SLC5A6: variants seen among roughly 807,000 people sequenced by gnomAD.
SLC5A6 encodes sodium-dependent multivitamin transporter.
In SLC5A6, 31 loss-of-function variants were observed where a neutral mutation model predicts 67.9. The observed-to-expected ratio is 0.46, with a 90% confidence interval of 0.34 to 0.62. The LOEUF (loss-of-function observed/expected upper bound fraction) is 0.62. Ranked by LOEUF, SLC5A6 falls within the 20% of genes least tolerant of loss-of-function variation. The probability of loss-of-function intolerance (pLI) is 0.01; values close to 1 mark genes in which losing one functional copy is unlikely to be tolerated. For synonymous variants in SLC5A6, 343 were observed against 331.0 expected (o/e 1.04, Z -0.39); for missense variants, 673 against 812.8 (o/e 0.83, Z 2.09).
upstream of SLC5A6, chr2:27,212,401 C>CCTGGTGCCCTGGG: frequency 6.4e-7 from 1 of 1,551,606 alleles, no homozygotes; most frequent in Non-Finnish European, 8.7e-7. Context: ...GTCTTACGAC[C>CCTGGTGCCCTGGG]CTGGTGCCCT....
intron 4 of SLC5A6, 117 bp downstream of exon 4, chr2:27,206,760 A>T: frequency 1.1e-6 from 1 of 952,096 alleles, no homozygotes; most frequent in Non-Finnish European, 1.7e-6. Flanking sequence ...GCTAACCTCT[A>T]GCAGGAATTT....
chr2:27,200,156 G>A lies in SLC5A6; in HGVS notation c.*280C>T, dbSNP rs1673508163. The A allele has an allele frequency of 3.1e-6, 1 of 320,516 alleles. No individual in the cohort carries two copies. The highest frequency in any genetic ancestry group is 4.5e-5 in the Admixed American group (1 of 22,172). The allele number at this position is 320,516 out of a possible 1,614,324, so 19.9% of individuals were successfully genotyped here. ...CAGAAGCCATTATCTTTTTCCCAGA[G>A]GATGCACTTCCATCCCTATTTCTGG... On this transcript the variant is annotated 3_prime_UTR_variant, in exon 17 of 17. Coordinates refer to ENST00000310574, the MANE Select transcript of SLC5A6 (RefSeq NM_021095.4).
chr2:27,201,532 T>C (rs980238378), intron 14 of SLC5A6, 79 bp from the exon 15 acceptor site: 21 of 1,352,498 alleles, frequency 1.6e-5, no homozygotes, highest in Non-Finnish European at 2.1e-5. Flanking sequence ...CTTGCCCGCA[T>C]GGTCCCAGGG....
chr2:27,206,165 C>T, intron 5 of SLC5A6, 72 bp from the exon 6 acceptor site: 1 of 1,210,838 alleles, frequency 8.3e-7, no homozygotes. Context: ...GTAGGGCAAT[C>T]ACGTCATGCC....
At chr2:27,203,438 AT>A in intron 10 of SLC5A6, 93 bp from the exon 11 acceptor site, 1 of 1,113,260 alleles carries the variant, frequency 9.0e-7, no homozygotes, top group East Asian at 2.5e-5. Flanking sequence ...AAGCGGGGAG[AT>A]GACAGGTACC....
At position 27,201,794 on chromosome 2, in the gene SLC5A6, G is replaced by A. The variant is rs545376580; in HGVS notation, c.1416C>T (p.Ile472=). 5.6e-5 allele frequency: 90 copies of A among 1,614,154 alleles called. No homozygotes were observed. The highest frequency in any genetic ancestry group is 5.3e-4 in the East Asian group (24 of 44,874). ...AGCCCATGCTGGTCACGATGCTCCC[G>A]ATGCCAATCCAGAAGGCCATGACGA... ...AGLVMAFWIG[I]GSIVTSMGSS... The change falls in exon 14 of 17, where the codon ATC becomes ATT. Residue 472 remains isoleucine (I), a synonymous_variant. Coordinates refer to ENST00000310574, the MANE Select transcript of SLC5A6 (RefSeq NM_021095.4).
At position 27,207,409 on chromosome 2, in the gene SLC5A6, G is replaced by A; in HGVS notation, c.242C>T (p.Ser81Leu). ...VALSLLATFQSAVAILGVPSE... is the reference protein window; with the variant it reads ...VALSLLATFQLAVAILGVPSE... Reference sequence around the variant, plus strand: ...CGGCACACCCAGGATGGCCACGGCTGACTGGAAGGTGGCCAGCAGGGACAG... The same window carrying A: ...CGGCACACCCAGGATGGCCACGGCTAACTGGAAGGTGGCCAGCAGGGACAG... The change falls in exon 3 of 17, where the codon TCA (serine) becomes TTA (leucine). Residue 81 changes from serine (S) to leucine (L), a missense_variant. Physicochemically the swap from Ser to Leu is moderately radical, Grantham distance 145. Transcript: ENST00000310574. This position sits in a 1 kb window ranked among gnomAD's most constrained non-coding sequence, Gnocchi z 5.5. 2 of 1,614,200 alleles carry A rather than the reference G, an allele frequency of 1.2e-6. No individual in the cohort carries two copies. Among genetic ancestry groups the A allele is most frequent in the Non-Finnish European group, 1.7e-6 (2 of 1,180,024 alleles).
chr2:27,200,747 G>A (rs982583627), intron 16 of SLC5A6, among the ~76,000 whole-genome samples, 168 bp from the exon 17 acceptor site: 4 of 152,226 alleles, frequency 2.6e-5, no homozygotes, highest in African/African-American at 7.2e-5. Flanking sequence ...AGCACAGGGT[G>A]GGCTGGGGAG....
At chr2:27,211,953 G>A (rs187899006) in intron 1 of SLC5A6, 67 bp downstream of exon 1, 23,335 of 481,286 alleles carry the variant, frequency 0.048, 913 homozygotes, top group African/African-American at 0.081. Context: ...CCCTGGCCGG[G>A]AGCCCGCGGG....
At position 27,199,624 on chromosome 2, in the gene SLC5A6, A is replaced by G. The variant is rs1300417792; in HGVS notation, c.*812T>C. 1 of 152,422 alleles carries G rather than the reference A, an allele frequency of 6.6e-6. No homozygotes were observed. Among genetic ancestry groups the G allele is most frequent in the Non-Finnish European group, 1.5e-5 (1 of 68,098 alleles). The allele number at this position is 152,422 out of a possible 1,614,324, so 9.4% of individuals were successfully genotyped here. On this transcript the variant is annotated 3_prime_UTR_variant, in exon 17 of 17. Transcript: ENST00000310574. ...TGGTAGTTTTTATTCCCCAGGAACA[A>G]AGATAATGTGGAGAAGAAACTCCAA...
intron 6 of SLC5A6, among the ~76,000 whole-genome samples, chr2:27,205,792 C>T (rs1486129761): frequency 6.6e-6 from 1 of 152,184 alleles, no homozygotes; most frequent in Admixed American, 6.5e-5. Flanking sequence ...AGTGAGGGGA[C>T]TCTCCTGCCA....
chr2:27,200,606 A>G (rs779817522), intron 16 of SLC5A6, 27 bp from the exon 17 acceptor site: 6 of 1,600,986 alleles, frequency 3.7e-6, no homozygotes, highest in Non-Finnish European at 5.1e-6. Context: ...AAAGGGGTGG[A>G]ACTGGTGAAG....
upstream of SLC5A6, chr2:27,212,384 C>T (rs752042458): frequency 1.9e-6 from 3 of 1,550,664 alleles, no homozygotes; most frequent in South Asian, 3.6e-5. Flanking sequence ...GCCTCACGAC[C>T]CGGGTAGTCT....
Position 27,201,052 on chromosome 2 carries a change from C to G in SLC5A6, c.1710G>C (p.Leu570=), listed in dbSNP as rs1673592268. The G allele has an allele frequency of 6.2e-7, 1 of 1,613,952 alleles. No homozygotes were observed. The highest frequency in any genetic ancestry group is 2.2e-5 in the East Asian group (1 of 44,884). ...TCTGACAGGACAACGGAAGGAGGGACAGGAGCTTTGGCAACACTGGGTAAA... is the reference window on the plus strand; with the variant it reads ...TCTGACAGGACAACGGAAGGAGGGAGAGGAGCTTTGGCAACACTGGGTAAA... ...ATIYPVLPKL[L]SLLPLSCQKR... The change falls in exon 16 of 17, where the codon CTG becomes CTC. Residue 570 remains leucine, a synonymous_variant. Transcript: ENST00000310574.
At position 27,204,916 on chromosome 2, in the gene SLC5A6, G is replaced by C. The variant is rs1378579057; in HGVS notation, c.750C>G (p.Pro250=). 6 of 1,613,716 alleles carry C rather than the reference G, an allele frequency of 3.7e-6. No homozygotes were observed. The highest frequency in any genetic ancestry group is 5.1e-6 in the Non-Finnish European group (6 of 1,180,006). ...RISGFELDPD[P]FVRHTFWTLA... is the part of the protein sequence containing the mutation. Reference sequence around the variant, plus strand: ...AGGTCCAGAAGGTGTGCCGCACAAAGGGGTCTGGATCCAGCCTGTAACAGA... The same window carrying C: ...AGGTCCAGAAGGTGTGCCGCACAAACGGGTCTGGATCCAGCCTGTAACAGA... The change falls in exon 8 of 17, where the codon CCC becomes CCG. Residue 250 remains proline (P), a synonymous_variant. Coordinates refer to ENST00000310574, the MANE Select transcript of SLC5A6 (RefSeq NM_021095.4).
At chr2:27,201,938 C>T (rs1405106886) in intron 13 of SLC5A6, 50 bp downstream of exon 13, 4 of 1,606,560 alleles carry the variant, frequency 2.5e-6, no homozygotes, top group Non-Finnish European at 2.6e-6. Flanking sequence ...CCTGCCAACC[C>T]CCAGGTCCAT....
rs1558511041 is a variant in SLC5A6 at position 27,207,089 on chromosome 2, C to T, written c.394-147G>A. 1.9e-6 allele frequency: 2 copies of T among 1,033,330 alleles called. No homozygotes were observed. 64.0% of individuals were successfully genotyped at this position (1,033,330 alleles called of 1,614,324 possible). ...CGGCATAGCACCCTCCTCTCCAATC[C>T]TGCCCCTATACCTAACATCACTGAG... On this transcript the variant is annotated intron_variant, in intron 3 of 16. Transcript: ENST00000310574. This position sits in a 1 kb window ranked among gnomAD's most constrained non-coding sequence, Gnocchi z 5.5.
In SLC5A6 at chr2:27,207,856, T is replaced by C. The variant is rs1674189469; in HGVS notation, c.-140-66A>G. 3.4e-6 allele frequency: 2 copies of C among 589,164 alleles called. No individual in the cohort carries two copies. The highest frequency in any genetic ancestry group is 2.8e-5 in the East Asian group (1 of 35,928). The allele number at this position is 589,164 out of a possible 1,614,324, so 36.5% of individuals were successfully genotyped here. On this transcript the variant is annotated intron_variant, in intron 2 of 16. Transcript: ENST00000310574. This position sits in a 1 kb window ranked among gnomAD's most constrained non-coding sequence, Gnocchi z 5.5. ...GGTAGCCATTCACCCTTGGGCCTTG[T>C]ACATCGCATGCCATCAGAAGTGGAC... is the stretch of plus-strand genomic sequence containing the variant.
chr2:27,210,405 A>T (rs935956645), intron 2 of SLC5A6, among the ~76,000 whole-genome samples: 2 of 151,916 alleles, frequency 1.3e-5, no homozygotes, highest in Admixed American at 1.3e-4. Flanking sequence ...TAACATGCCA[A>T]GGCACAAACA....
Sources: gnomAD v4.1 joint callset for allele counts (sites outside exome capture counted in the v4.1 genomes callset) on GRCh38, gnomAD v4.1.1 for gene constraint, Gnocchi (gnomAD v3.1) non-coding constraint, MANE v1.5 for transcripts, NCBI Gene and HGNC (gene_info 2026-07-23, HGNC 2026-07-21) for gene names.